Variants in RANBP2 observed in about 807,000 individuals in gnomAD.
The protein encoded by RANBP2 is RAN binding protein 2.
Under a neutral mutation model 303.6 loss-of-function variants are expected in RANBP2, and 57 were observed. The observed-to-expected ratio is 0.19, with a 90% confidence interval of 0.15 to 0.23. The LOEUF is 0.23. Ranked by LOEUF, RANBP2 falls within the 10% of genes least tolerant of loss-of-function variation. The pLI, the probability that RANBP2 is intolerant of heterozygous loss-of-function variation, is 1.00. For missense variants in RANBP2, 3,138 were observed against 3,780.8 expected (o/e 0.83, Z 4.46); for synonymous variants, 1,167 against 1,301.5 (o/e 0.90, Z 2.23).
At chr2:109,515,422 A>G in the RANBP2 span, among the ~76,000 whole-genome samples, 1 of 152,106 alleles carries the variant, frequency 6.6e-6, no homozygotes, top group African/African-American at 2.4e-5. Context: ...AACTTGCTTC[A>G]TCTCATGGCT....
At chr2:109,091,546 T>G in the RANBP2 span, among the ~76,000 whole-genome samples, 1 of 152,220 alleles carries the variant, frequency 6.6e-6, no homozygotes, top group African/African-American at 2.4e-5. Flanking sequence ...TCCCCTGCCT[T>G]GATAAAATCG....
chr2:108,754,276 C>T (rs1477844435), intron 15 of RANBP2, among the ~76,000 whole-genome samples: 3 of 151,170 alleles, frequency 2.0e-5, no homozygotes, highest in Admixed American at 6.6e-5. Context: ...ATATTATAAC[C>T]TCAGGACTAA....
At chr2:108,949,939 G>C in the RANBP2 span, among the ~76,000 whole-genome samples, 92 of 152,316 alleles carry the variant, frequency 6.0e-4, no homozygotes, top group Middle Eastern at 3.4e-3. Context: ...ATTTCCTGAG[G>C]TTTTTGAAAT....
chr2:108,989,586 T>C, the RANBP2 span, among the ~76,000 whole-genome samples: 1 of 152,052 alleles, frequency 6.6e-6, no homozygotes, highest in African/African-American at 2.4e-5. Flanking sequence ...AACATGTCTG[T>C]TCACATTCTC....
the RANBP2 span, among the ~76,000 whole-genome samples, chr2:109,233,592 C>T: frequency 6.6e-6 from 1 of 152,188 alleles, no homozygotes; most frequent in Non-Finnish European, 1.5e-5. Flanking sequence ...CCATGGTGTC[C>T]AGGCTTGAGG....
chr2:108,837,445 A>T, the RANBP2 span, among the ~76,000 whole-genome samples: 2 of 152,218 alleles, frequency 1.3e-5, no homozygotes, highest in Non-Finnish European at 2.9e-5. Context: ...ATGATGTTTA[A>T]GACAATGGTA....
the RANBP2 span, chr2:109,490,919 G>A: frequency 6.6e-7 from 1 of 1,505,014 alleles, no homozygotes; most frequent in South Asian, 1.3e-5. Flanking sequence ...CCGAGCCCAA[G>A]CTGTTGCCCA....
the RANBP2 span, among the ~76,000 whole-genome samples, chr2:109,083,637 G>A: frequency 4.6e-5 from 7 of 152,044 alleles, no homozygotes; most frequent in African/African-American, 1.2e-4. Flanking sequence ...ATCTCTCGGG[G>A]ACTCTGCTTT....
At chr2:108,816,100 G>A in the RANBP2 span, 2 of 1,598,430 alleles carry the variant, frequency 1.3e-6, no homozygotes, top group Non-Finnish European at 1.7e-6. Context: ...GGAGAAGTGT[G>A]TAAAGGTTTG....
At chr2:108,727,385 A>C (rs1336657971) in intron 1 of RANBP2, among the ~76,000 whole-genome samples, 1 of 152,242 alleles carries the variant, frequency 6.6e-6, no homozygotes, top group Non-Finnish European at 1.5e-5. Context: ...CAAAAGTTAC[A>C]GCCATAGTGT....
chr2:109,243,880 A>G, the RANBP2 span, among the ~76,000 whole-genome samples: 1 of 152,166 alleles, frequency 6.6e-6, no homozygotes, highest in Non-Finnish European at 1.5e-5. Flanking sequence ...TGAGTGAGTA[A>G]ATAGATGAGT....
the RANBP2 span, among the ~76,000 whole-genome samples, chr2:108,921,985 C>T: frequency 2.0e-5 from 3 of 152,182 alleles, no homozygotes; most frequent in Non-Finnish European, 2.9e-5. Flanking sequence ...GAGTGGGGTG[C>T]GCTCATCTTT....
the RANBP2 span, among the ~76,000 whole-genome samples, chr2:109,046,197 G>A: frequency 6.2e-4 from 93 of 150,876 alleles, no homozygotes; most frequent in African/African-American, 2.1e-3. Context: ...CCAGCTACTC[G>A]GGAGGCTGAG....
At chr2:109,472,864 CAT>C in the RANBP2 span, among the ~76,000 whole-genome samples, 2 of 152,226 alleles carry the variant, frequency 1.3e-5, no homozygotes, top group African/African-American at 2.4e-5. Context: ...CACACTCAGA[CAT>C]ATCCCAGGGC....
chr2:109,076,461 G>A, the RANBP2 span, among the ~76,000 whole-genome samples: 1 of 126,216 alleles, frequency 7.9e-6, no homozygotes, highest in Non-Finnish European at 1.8e-5. Flanking sequence ...ACTTAAACAA[G>A]GAAAATTGTC....
chr2:109,059,498 C>T, the RANBP2 span, among the ~76,000 whole-genome samples: 2 of 152,106 alleles, frequency 1.3e-5, no homozygotes, highest in East Asian at 1.9e-4. Flanking sequence ...TGGTGTGAAT[C>T]CCGGGAGGCA....
chr2:109,348,665 C>T, the RANBP2 span, among the ~76,000 whole-genome samples: 1 of 152,138 alleles, frequency 6.6e-6, no homozygotes, highest in Non-Finnish European at 1.5e-5. Context: ...GTTGGAACCT[C>T]GTTTTCTCCA....
chr2:109,131,733 A>G, the RANBP2 span, among the ~76,000 whole-genome samples: 3 of 152,196 alleles, frequency 2.0e-5, no homozygotes, highest in African/African-American at 7.2e-5. Flanking sequence ...TAGTAGTGAC[A>G]TTTAGTATTA....
At chr2:108,981,322 C>T in the RANBP2 span, among the ~76,000 whole-genome samples, 1 of 152,210 alleles carries the variant, frequency 6.6e-6, no homozygotes, top group Non-Finnish European at 1.5e-5. Context: ...CTAGCCCATG[C>T]CAGTCCAACC....
Sources: allele counts gnomAD v4.1 joint callset (sites outside exome capture counted in the v4.1 genomes callset), GRCh38; gene constraint gnomAD v4.1.1; transcripts MANE v1.5; gene names NCBI Gene and HGNC (gene_info 2026-07-23, HGNC 2026-07-21).